KCNMB1: variants seen among roughly 807,000 people sequenced by gnomAD.
KCNMB1 encodes potassium calcium-activated channel subfamily M regulatory beta subunit 1.
A neutral mutation model predicts 21.7 loss-of-function variants in KCNMB1; 22 were observed. That is an observed-to-expected ratio of 1.01 (90% confidence interval 0.72 to 1.45). KCNMB1 has a LOEUF of 1.45. KCNMB1 is among the 40% of genes most tolerant of loss of function. The probability of loss-of-function intolerance (pLI) is 0.00; values close to 1 mark genes in which losing one functional copy is unlikely to be tolerated. For missense variants in KCNMB1, 243 were observed against 243.4 expected, an observed-to-expected ratio of 1.00 and a Z score of 0.01; for synonymous variants, 114 against 107.6, an observed-to-expected ratio of 1.06 and a Z score of -0.37.
intron 1 of KCNMB1, among the ~76,000 whole-genome samples, chr5:170,388,258 TAG>T (rs1459681469): frequency 6.6e-6 from 1 of 152,226 alleles, no homozygotes; most frequent in African/African-American, 2.4e-5. Flanking sequence ...AGTGAGTTTA[TAG>T]AGTCATGATA....
rs528425011 is a variant in KCNMB1, at chr5:170,380,476, T to A, written c.307-1503A>T. ...GCCTCGGCCACTCCCTGGATTTATA[T>A]GAGGTGCCACCCTGGAAGCTGCCTG... On this transcript the variant is annotated intron_variant, in intron 3 of 3. Coordinates refer to ENST00000274629, the MANE Select transcript of KCNMB1 (RefSeq NM_004137.4). Among the ~76,000 whole-genome samples, 119 of 152,352 alleles carry A rather than the reference T, an allele frequency of 7.8e-4. 1 individual carries two copies. The highest frequency in any genetic ancestry group is 1.9e-3 in the South Asian group (9 of 4,834).
chr5:170,383,750 C>A lies in KCNMB1; in HGVS notation c.235G>T (p.Val79Phe). ...CACCTGCCGGCAGCTGACACGTTGA[C>A]CCACAGGCATGGGTACTGGGGCACC... Reference protein sequence around the residue: ...KKVPQYPCLWVNVSAAGRWAV... With the variant: ...KKVPQYPCLWFNVSAAGRWAV... The change falls in exon 3 of 4, where the codon GTC becomes TTC. Residue 79 changes from valine to phenylalanine, a missense_variant. Physicochemically the swap from Val to Phe is conservative, Grantham distance 50. Transcript: ENST00000274629. The A allele has an allele frequency of 6.2e-7, 1 of 1,614,200 alleles. No individual in the cohort carries two copies. Among genetic ancestry groups the A allele is most frequent in the Non-Finnish European group, 8.5e-7 (1 of 1,180,028 alleles).
chr5:170,380,093 G>C (rs188771281), intron 3 of KCNMB1, among the ~76,000 whole-genome samples: 1 of 152,344 alleles, frequency 6.6e-6, no homozygotes, highest in Non-Finnish European at 1.5e-5. Context: ...GCATTGAAAA[G>C]AGTTTTGTGC....
intron 1 of KCNMB1, among the ~76,000 whole-genome samples, chr5:170,387,436 G>A (rs1053805144): frequency 1.3e-5 from 2 of 151,960 alleles, no homozygotes; most frequent in South Asian, 4.1e-4. Flanking sequence ...CCTCATACCC[G>A]GGCATCTCCG....
At chr5:170,379,700 A>T (rs918616444) in intron 3 of KCNMB1, among the ~76,000 whole-genome samples, 10 of 152,126 alleles carry the variant, frequency 6.6e-5, no homozygotes, top group African/African-American at 1.9e-4. Context: ...TGTAATCCTA[A>T]CACTTTGGGA....
intron 1 of KCNMB1, among the ~76,000 whole-genome samples, chr5:170,385,772 G>A (rs1055775142): frequency 1.3e-5 from 2 of 152,004 alleles, no homozygotes; most frequent in Non-Finnish European, 2.9e-5. Context: ...CTAGTCTCTG[G>A]AAGCTATCAA....
Position 170,383,684 on chromosome 5 carries a change from G to A in KCNMB1, c.301C>T (p.Gln101Ter). ...CCATCCCTCCAGTTCAGTACCTGCTGGTTCTGGTCCCGAGTGTCCTCCGTG... is the reference window on the plus strand; with the variant it reads ...CCATCCCTCCAGTTCAGTACCTGCTAGTTCTGGTCCCGAGTGTCCTCCGTG... ...YHTEDTRDQN[Q>*]QCSYIPGSVD... The change falls in exon 3 of 4, where the codon CAG becomes TAG. Residue 101 changes from glutamine (Q) to a stop codon, truncating the protein, a stop_gained. Transcript: ENST00000274629. LOFTEE classifies it high-confidence loss of function. 1.2e-6 allele frequency: 2 copies of A among 1,614,126 alleles called. No homozygotes were observed. The highest frequency in any genetic ancestry group is 1.7e-6 in the Non-Finnish European group (2 of 1,180,018).
At position 170,385,467 on chromosome 5, in the gene KCNMB1, C is replaced by G; in HGVS notation, c.-20G>C. 1 of 1,613,984 alleles carries G rather than the reference C, an allele frequency of 6.2e-7. No individual in the cohort carries two copies. Among genetic ancestry groups the G allele is most frequent in the Non-Finnish European group, 8.5e-7 (1 of 1,179,932 alleles). ...CACCATATTCACTGGGGGCAGTGATCATTTCTAGGTCCACAGAAGCAAACA... is the reference window on the plus strand; with the variant it reads ...CACCATATTCACTGGGGGCAGTGATGATTTCTAGGTCCACAGAAGCAAACA... On this transcript the variant is annotated 5_prime_UTR_variant, in exon 2 of 4. The change abolishes an upstream ATG in the 5' untranslated region. Transcript: ENST00000274629.
chr5:170,385,604 TC>T (rs1764437541), intron 1 of KCNMB1, 133 bp from the exon 2 acceptor site: 1 of 877,468 alleles, frequency 1.1e-6, no homozygotes, highest in East Asian at 2.7e-5. Context: ...CTTTGCAACT[TC>T]CAGAAGTCTT....
Position 170,378,679 on chromosome 5 carries a change from A to C in KCNMB1, c.*25T>G. 6.3e-7 allele frequency: 1 copy of C among 1,577,930 alleles called. No individual in the cohort carries two copies. The highest frequency in any genetic ancestry group is 8.6e-7 in the Non-Finnish European group (1 of 1,163,052). On this transcript the variant is annotated 3_prime_UTR_variant, in exon 4 of 4. Coordinates refer to ENST00000274629, the MANE Select transcript of KCNMB1 (RefSeq NM_004137.4). Reference sequence around the variant, plus strand: ...CCAGCCAGTCCCCTGTGCCCTGACAAGTGGTATGGCATGGATGGATGGCTC... The same window carrying C: ...CCAGCCAGTCCCCTGTGCCCTGACACGTGGTATGGCATGGATGGATGGCTC...
At position 170,378,470 on chromosome 5, in the gene KCNMB1, C is replaced by T; in HGVS notation, c.*234G>A. On this transcript the variant is annotated 3_prime_UTR_variant, in exon 4 of 4. Coordinates refer to ENST00000274629, the MANE Select transcript of KCNMB1 (RefSeq NM_004137.4). ...GGGGACAGGTAATAGAGAGCTAGAA[C>T]TGGCTGGCCTTATGGCCTCCAAGGC... is the stretch of plus-strand genomic sequence containing the variant. 1.9e-6 allele frequency: 1 copy of T among 540,318 alleles called. No individual in the cohort carries two copies. The highest frequency in any genetic ancestry group is 3.3e-6 in the Non-Finnish European group (1 of 307,666). 33.5% of individuals were successfully genotyped at this position (540,318 alleles called of 1,614,324 possible). A position where few individuals can be genotyped will look rare whatever the true frequency, so the allele number is the denominator to read the frequency against.
chr5:170,380,017 T>C (rs1321190633), intron 3 of KCNMB1, among the ~76,000 whole-genome samples: 1 of 152,010 alleles, frequency 6.6e-6, no homozygotes, highest in Non-Finnish European at 1.5e-5. Context: ...TTTCAACCTG[T>C]GTACAGCAAA....
In KCNMB1 at chr5:170,387,528, G is replaced by A. The variant is rs181505337; in HGVS notation, c.-25+1731C>T. Among the ~76,000 whole-genome samples, 36 of 152,228 alleles carry A rather than the reference G, an allele frequency of 2.4e-4. No individual in the cohort carries two copies. The East Asian group carries it at 6.0e-3, about 25-fold the overall frequency. ...AGCTGGTCCACCTCCCCTATCGATCGGCAGAGGTGACATCCAATGACAACT... is the reference window on the plus strand; with the variant it reads ...AGCTGGTCCACCTCCCCTATCGATCAGCAGAGGTGACATCCAATGACAACT... On this transcript the variant is annotated intron_variant, in intron 1 of 3. Transcript: ENST00000274629.
intron 3 of KCNMB1, among the ~76,000 whole-genome samples, chr5:170,381,982 C>G (rs999575106): frequency 6.6e-6 from 1 of 152,120 alleles, no homozygotes; most frequent in Non-Finnish European, 1.5e-5. Flanking sequence ...AGACCCACTT[C>G]TCATTGACCT....
intron 1 of KCNMB1, among the ~76,000 whole-genome samples, chr5:170,386,272 A>G (rs1484726853): frequency 2.0e-5 from 3 of 152,242 alleles, no homozygotes; most frequent in Non-Finnish European, 4.4e-5. Flanking sequence ...CTAAGGTGAT[A>G]TGACCAGGGA....
chr5:170,383,705 C>T lies in KCNMB1; in HGVS notation c.280G>A (p.Glu94Lys), dbSNP rs1764346786. The T allele has an allele frequency of 3.1e-6, 5 of 1,614,060 alleles. No individual in the cohort carries two copies. Among genetic ancestry groups the T allele is most frequent in the Non-Finnish European group, 4.2e-6 (5 of 1,180,034 alleles). ...TGCTGGTTCTGGTCCCGAGTGTCCT[C>T]CGTGTGGTACAGCACAGCCCACCTG... ...AGRWAVLYHT[E>K]DTRDQNQQCS... The change falls in exon 3 of 4, where the codon GAG (glutamate) becomes AAG (lysine). Residue 94 changes from glutamate (E) to lysine (K), a missense_variant. Coordinates refer to ENST00000274629, the MANE Select transcript of KCNMB1 (RefSeq NM_004137.4).
chr5:170,387,841 C>T (rs1764540326), intron 1 of KCNMB1, among the ~76,000 whole-genome samples: 1 of 152,216 alleles, frequency 6.6e-6, no homozygotes, highest in Non-Finnish European at 1.5e-5. Context: ...CCAGGACCTG[C>T]AAGGGTCACT....
intron 1 of KCNMB1, among the ~76,000 whole-genome samples, chr5:170,386,614 G>A (rs1764483836): frequency 6.6e-6 from 1 of 152,082 alleles, no homozygotes. Flanking sequence ...GCACAGGCAG[G>A]GAAAGGAGAG....
At chr5:170,387,039 C>T (rs192376374) in intron 1 of KCNMB1, among the ~76,000 whole-genome samples, 2 of 152,240 alleles carry the variant, frequency 1.3e-5, no homozygotes, top group East Asian at 3.9e-4. Context: ...ATGGTCCCCG[C>T]GTGATTTCCC....
Sources: gnomAD v4.1 joint callset for allele counts (sites outside exome capture counted in the v4.1 genomes callset) on GRCh38, gnomAD v4.1.1 for gene constraint, MANE v1.5 for transcripts, NCBI Gene and HGNC (gene_info 2026-07-23, HGNC 2026-07-21) for gene names.